ANKRD44: variants seen among roughly 807,000 people sequenced by gnomAD.
ANKRD44 encodes the protein serine/threonine-protein phosphatase 6 regulatory ankyrin repeat subunit B.
ANKRD44 carries 35 observed loss-of-function variants against 116.0 expected under a neutral mutation model. The ratio of observed to expected loss-of-function variants is 0.30; its 90% CI spans 0.23 to 0.40. ANKRD44 has a LOEUF of 0.40. Among genes scored for constraint, ANKRD44 ranks in the 10% least tolerant of loss-of-function variants. ANKRD44 has a pLI of 1.00. For synonymous variants in ANKRD44, 435 were observed against 461.8 expected (o/e 0.94, Z 0.74); for missense variants, 1,014 against 1,242.6 (o/e 0.82, Z 2.77).
chr2:197,001,919 T>C, intron 21 of ANKRD44, 79 bp from the exon 22 acceptor site: 1 of 1,073,632 alleles, frequency 9.3e-7, no homozygotes, highest in Non-Finnish European at 1.4e-6. Context: ...CATTAAGTAT[T>C]GAGTTTTTGG....
At chr2:197,064,398 G>A (rs1045315218) in intron 16 of ANKRD44, among the ~76,000 whole-genome samples, 16 of 152,154 alleles carry the variant, frequency 1.1e-4, no homozygotes, top group African/African-American at 3.4e-4. Context: ...ATCGACTAAC[G>A]AGCAAAATAA....
At chr2:197,081,268 T>C (rs2077789190) in intron 15 of ANKRD44, among the ~76,000 whole-genome samples, 1 of 152,170 alleles carries the variant, frequency 6.6e-6, no homozygotes, top group Admixed American at 6.5e-5. Flanking sequence ...CCTTTTAAAA[T>C]AGAATCTGCT....
In ANKRD44 at chr2:197,302,336, G is replaced by A. The variant is rs2083936273; in HGVS notation, c.27+8242C>T. The A allele has an allele frequency of 2.6e-5, 4 of 152,282 alleles. No individual in the cohort carries two copies. The South Asian group carries it at 8.3e-4, about 32-fold the overall frequency. The allele number at this position is 152,282 out of a possible 1,614,324, so 9.4% of individuals were successfully genotyped here. On this transcript the variant is annotated intron_variant, in intron 1 of 27. Coordinates refer to ENST00000282272, the MANE Select transcript of ANKRD44 (RefSeq NM_001195144.2). ...GTGCAGGGGCCAAGGTCAGACGGAA[G>A]GAGACCAGTCAGAGGCTGCTGTTAT... is the stretch of plus-strand genomic sequence containing the variant.
chr2:197,263,230 C>G, intron 1 of ANKRD44: 1 of 523,704 alleles, frequency 1.9e-6, no homozygotes, highest in Admixed American at 2.8e-5. Flanking sequence ...CAGGTGAGAA[C>G]CTCAGCAGCT....
Position 197,211,272 on chromosome 2 carries a change from G to C in ANKRD44, c.28-24166C>G, listed in dbSNP as rs115498910. ...ACACAGGGAGCAGGATACCTCCAGG[G>C]TGAGAGACAACCCAGGGATGTTGTG... On this transcript the variant is annotated intron_variant, in intron 1 of 27. Coordinates refer to ENST00000282272, the MANE Select transcript of ANKRD44 (RefSeq NM_001195144.2). Among the ~76,000 whole-genome samples, 525 of 152,316 alleles carry C rather than the reference G, an allele frequency of 3.4e-3. 5 individuals are homozygous for C. Among genetic ancestry groups the C allele is most frequent in the African/African-American group, 0.012 (488 of 41,554 alleles).
chr2:197,263,116 C>T (rs1365057414), intron 1 of ANKRD44: 1 of 475,990 alleles, frequency 2.1e-6, no homozygotes, highest in Non-Finnish European at 4.0e-6. Context: ...TGAAAATGTA[C>T]ACCTGCTCCA....
At chr2:197,195,168 A>G (rs2125635003) in intron 1 of ANKRD44, among the ~76,000 whole-genome samples, 1 of 152,112 alleles carries the variant, frequency 6.6e-6, no homozygotes, top group African/African-American at 2.4e-5. Context: ...TTTTGTGGAG[A>G]CAGGGTCTCG....
intron 1 of ANKRD44, among the ~76,000 whole-genome samples, chr2:197,207,469 A>T (rs1186575245): frequency 6.6e-6 from 1 of 152,088 alleles, no homozygotes; most frequent in Non-Finnish European, 1.5e-5. Context: ...CTCTCAGATG[A>T]CCCCTCTGAT....
intron 1 of ANKRD44, among the ~76,000 whole-genome samples, chr2:197,292,038 T>G (rs1382517359): frequency 1.3e-5 from 2 of 152,244 alleles, no homozygotes; most frequent in Admixed American, 6.5e-5. Flanking sequence ...TATTCTACTG[T>G]GTATATGTGC....
At chr2:197,178,948 G>A (rs996635886) in intron 2 of ANKRD44, among the ~76,000 whole-genome samples, 6 of 152,138 alleles carry the variant, frequency 3.9e-5, no homozygotes, top group Non-Finnish European at 7.4e-5. Context: ...GCTCACGCCT[G>A]TAATCCCAAA....
At chr2:197,073,606 G>A (rs1174610289) in intron 16 of ANKRD44, among the ~76,000 whole-genome samples, 2 of 152,158 alleles carry the variant, frequency 1.3e-5, no homozygotes, top group Non-Finnish European at 2.9e-5. Context: ...TCCCTAAATT[G>A]TGTGGGACAC....
intron 21 of ANKRD44, among the ~76,000 whole-genome samples, chr2:196,976,686 C>T (rs2075763119): frequency 6.6e-6 from 1 of 151,986 alleles, no homozygotes; most frequent in African/African-American, 2.4e-5. Context: ...CACAACATGA[C>T]AAAACCCTAT....
chr2:197,046,194 C>A (rs569331592), intron 16 of ANKRD44, among the ~76,000 whole-genome samples: 1 of 151,990 alleles, frequency 6.6e-6, no homozygotes, highest in South Asian at 2.1e-4. Flanking sequence ...TTAGGTTGTC[C>A]CCTTTTTGGT....
chr2:197,183,234 A>G (rs1368864008), intron 2 of ANKRD44, among the ~76,000 whole-genome samples: 1 of 152,150 alleles, frequency 6.6e-6, no homozygotes, highest in East Asian at 1.9e-4. Flanking sequence ...ACCCATCAAA[A>G]AGCGTGGAGA....
intron 16 of ANKRD44, among the ~76,000 whole-genome samples, chr2:197,048,194 TA>T (rs2077038947): frequency 6.6e-6 from 1 of 152,234 alleles, no homozygotes. Context: ...GTATTCATTG[TA>T]TTTTTTTATT....
chr2:197,010,872 C>T (rs879473635), intron 18 of ANKRD44, among the ~76,000 whole-genome samples: 6 of 152,270 alleles, frequency 3.9e-5, no homozygotes, highest in East Asian at 1.9e-4. Flanking sequence ...TTGCCAGCCA[C>T]GAGAGAATGC....
chr2:197,136,971 T>A (rs941115751), intron 3 of ANKRD44, among the ~76,000 whole-genome samples: 1 of 152,188 alleles, frequency 6.6e-6, no homozygotes, highest in African/African-American at 2.4e-5. Flanking sequence ...GGTAGGCAGA[T>A]AGGCTCAAGC....
intron 16 of ANKRD44, among the ~76,000 whole-genome samples, chr2:197,041,615 A>C (rs936260009): frequency 8.0e-4 from 122 of 152,142 alleles, no homozygotes; most frequent in Non-Finnish European, 2.8e-4. Context: ...TTCATTCAGC[A>C]CACTTCAGTA....
chr2:196,997,444 T>A (rs1049931480), intron 25 of ANKRD44, among the ~76,000 whole-genome samples: 2 of 124,124 alleles, frequency 1.6e-5, no homozygotes, highest in Admixed American at 1.0e-4. Flanking sequence ...TAATTTTATA[T>A]AATTTATCTT....
Sources: gnomAD v4.1 joint callset for allele counts (sites outside exome capture counted in the v4.1 genomes callset) on GRCh38, gnomAD v4.1.1 for gene constraint, MANE v1.5 for transcripts, NCBI Gene and HGNC (gene_info 2026-07-23, HGNC 2026-07-21) for gene names.